RBMS3: variants seen among roughly 807,000 people sequenced by gnomAD.
RBMS3 encodes the protein RNA binding motif single stranded interacting protein 3.
Under a neutral mutation model 66.8 loss-of-function variants are expected in RBMS3, and 27 were observed. The observed-to-expected ratio is 0.40, with a 90% CI of 0.30 to 0.56. The LOEUF (loss-of-function observed/expected upper bound fraction) is 0.56, where lower values mean the gene tolerates loss of function less well. Ranked by LOEUF, RBMS3 falls within the 20% of genes least tolerant of loss-of-function variation. RBMS3 has a pLI of 0.40. For synonymous variants in RBMS3, 188 were observed against 183.0 expected (o/e 1.03, Z -0.22); for missense variants, 513 against 549.5 (o/e 0.93, Z 0.66).
At chr3:29,743,745 A>T (rs563841471) in intron 5 of RBMS3, among the ~76,000 whole-genome samples, 1,595 of 141,900 alleles carry the variant, frequency 0.011, 20 homozygotes, top group African/African-American at 0.038. Flanking sequence ...TTTTTTTTTT[A>T]AATTTTATTA....
rs532352481 is a variant in RBMS3, at chr3:29,970,594, G to T, written c.1099-17549G>T. On this transcript the variant is annotated intron_variant, in intron 12 of 14. Transcript: ENST00000383767. The stretch of plus-strand genomic sequence containing the variant: ...TTTCTTTGTTTGAGAATGTAACTGA[G>T]ATATCACTGGGTCTCTCAATATTTT... 3.3e-5 allele frequency among the ~76,000 whole-genome samples: 5 copies of T among 152,192 alleles called. No individual in the cohort carries two copies. The South Asian group carries it at 1.0e-3, about 32-fold the overall frequency.
chr3:29,444,173 A>G (rs1260649084), intron 2 of RBMS3, among the ~76,000 whole-genome samples: 2 of 151,830 alleles, frequency 1.3e-5, no homozygotes, highest in Non-Finnish European at 2.9e-5. Context: ...TTGATGAGAC[A>G]ATAGTGTGGT....
intron 6 of RBMS3, among the ~76,000 whole-genome samples, chr3:29,815,808 GGGAT>G (rs1394162846): frequency 6.6e-6 from 1 of 152,052 alleles, no homozygotes; most frequent in African/African-American, 2.4e-5. Flanking sequence ...GAGGGGGTAA[GGGAT>G]AAAAGACTAC....
intron 4 of RBMS3, among the ~76,000 whole-genome samples, chr3:29,598,460 C>A (rs2048035494): frequency 6.6e-6 from 1 of 152,042 alleles, no homozygotes; most frequent in Non-Finnish European, 1.5e-5. Context: ...CTGAGACAAT[C>A]TTAGAGCAAA....
At chr3:29,884,422 T>TTCCCTCTCTC (rs2059810695) in intron 8 of RBMS3, among the ~76,000 whole-genome samples, 7 of 41,882 alleles carry the variant, frequency 1.7e-4, no homozygotes, top group African/African-American at 7.2e-4. Context: ...TTAAACCCTG[T>TTCCCTCTCTC]TCTCTCTCTC....
intron 1 of RBMS3, among the ~76,000 whole-genome samples, chr3:29,392,300 A>T (rs1575692730): frequency 6.6e-6 from 1 of 152,206 alleles, no homozygotes; most frequent in East Asian, 1.9e-4. Context: ...TCTATTGCCA[A>T]ATATATATAA....
intron 2 of RBMS3, among the ~76,000 whole-genome samples, 168 bp from the exon 3 acceptor site, chr3:29,488,273 A>G (rs540807663): frequency 5.9e-5 from 9 of 152,222 alleles, no homozygotes; most frequent in African/African-American, 1.9e-4. Flanking sequence ...CCTAAGTTAT[A>G]AAGAAGAACT....
intron 4 of RBMS3, among the ~76,000 whole-genome samples, chr3:29,681,967 C>T (rs2051516080): frequency 6.6e-6 from 1 of 152,146 alleles, no homozygotes; most frequent in Non-Finnish European, 1.5e-5. Flanking sequence ...TTTGCACTTC[C>T]ACCAACAATT....
rs1172377152 is a variant in RBMS3 at position 29,489,868 on chromosome 3, C to A, written c.307+1369C>A. On this transcript the variant is annotated intron_variant, in intron 3 of 14. Coordinates refer to ENST00000383767, the MANE Select transcript of RBMS3 (RefSeq NM_001003793.3). Reference sequence around the variant, plus strand: ...GACCAGCCTGGCCAACATGGTGAAACCCTGTCTCTACTAAAAATACAAAGA... The same window carrying A: ...GACCAGCCTGGCCAACATGGTGAAAACCTGTCTCTACTAAAAATACAAAGA... Among the ~76,000 whole-genome samples, 5 of 150,970 alleles carry A rather than the reference C, an allele frequency of 3.3e-5. No homozygotes were observed. In the East Asian group the frequency reaches 9.8e-4, roughly 30 times the overall value.
In RBMS3 at chr3:30,003,989, TTTTA is replaced by T. The variant is rs1263855326; in HGVS notation, c.*128_*131del. On this transcript the variant is annotated 3_prime_UTR_variant, in exon 15 of 15. Coordinates refer to ENST00000383767, the MANE Select transcript of RBMS3 (RefSeq NM_001003793.3). ...TTTTTTGTTGTTGTTGTTGTTTTTTTTTTAGTGTTATACCTTACCCAATGAAAGC... is the reference window on the plus strand; with the variant it reads ...TTTTTTGTTGTTGTTGTTGTTTTTTTGTGTTATACCTTACCCAATGAAAGC... 1.2e-6 allele frequency: 1 copy of T among 813,926 alleles called. No homozygotes were observed. Among genetic ancestry groups the T allele is most frequent in the Non-Finnish European group, 1.7e-6 (1 of 572,978 alleles). 50.4% of individuals were successfully genotyped at this position (813,926 alleles called of 1,614,324 possible). A position where few individuals can be genotyped will look rare whatever the true frequency, so the allele number is the denominator to read the frequency against.
At chr3:29,829,588 G>T (rs902395893) in intron 6 of RBMS3, among the ~76,000 whole-genome samples, 7 of 152,120 alleles carry the variant, frequency 4.6e-5, no homozygotes, top group African/African-American at 1.7e-4. Context: ...AAGCAGAATG[G>T]GGGAGGAGAC....
At chr3:29,719,736 C>G (rs1189582887) in intron 4 of RBMS3, among the ~76,000 whole-genome samples, 1 of 152,096 alleles carries the variant, frequency 6.6e-6, no homozygotes, top group African/African-American at 2.4e-5. Context: ...CTTGGACTTT[C>G]TTTTCTCAAA....
At chr3:29,345,904 A>C (rs760056022) in intron 1 of RBMS3, among the ~76,000 whole-genome samples, 6 of 152,318 alleles carry the variant, frequency 3.9e-5, no homozygotes, top group African/African-American at 9.6e-5. Context: ...AGAGGAGCCA[A>C]TTTTTTTATA....
At chr3:29,992,699 A>G (rs1698965608) in intron 14 of RBMS3, among the ~76,000 whole-genome samples, 1 of 152,178 alleles carries the variant, frequency 6.6e-6, no homozygotes, top group South Asian at 2.1e-4. Context: ...ATCTGTAGCC[A>G]ACAAGCCGAG....
At chr3:29,750,207 C>T (rs7623178) in intron 5 of RBMS3, among the ~76,000 whole-genome samples, 2 of 151,800 alleles carry the variant, frequency 1.3e-5, no homozygotes, top group Non-Finnish European at 2.9e-5. Flanking sequence ...GATTTTACTT[C>T]GTCCAAAAGT....
chr3:29,696,418 T>C (rs1017453569), intron 4 of RBMS3, among the ~76,000 whole-genome samples: 1 of 146,754 alleles, frequency 6.8e-6, no homozygotes, highest in Admixed American at 6.7e-5. Flanking sequence ...CGATCATTTG[T>C]ACTAAATTAT....
intron 1 of RBMS3, among the ~76,000 whole-genome samples, chr3:29,408,959 A>T (rs4146795): frequency 1.3e-5 from 2 of 151,996 alleles, no homozygotes; most frequent in African/African-American, 4.8e-5. Flanking sequence ...ATGCTTGCAC[A>T]CTTTATTTTA....
intron 6 of RBMS3, among the ~76,000 whole-genome samples, chr3:29,802,751 G>C (rs902588625): frequency 2.0e-5 from 3 of 152,148 alleles, no homozygotes; most frequent in African/African-American, 7.2e-5. Flanking sequence ...ACAGAGAAGA[G>C]GGACAGGTGA....
At chr3:29,400,187 G>C (rs141860136) in intron 1 of RBMS3, among the ~76,000 whole-genome samples, 143 of 152,260 alleles carry the variant, frequency 9.4e-4, no homozygotes, top group African/African-American at 3.1e-3. Flanking sequence ...CTGAGATGAA[G>C]AGTTAAATTC....
Sources: gnomAD v4.1 joint callset for allele counts (sites outside exome capture counted in the v4.1 genomes callset) on GRCh38, gnomAD v4.1.1 for gene constraint, MANE v1.5 for transcripts, NCBI Gene and HGNC (gene_info 2026-07-23, HGNC 2026-07-21) for gene names.